The following BRWD1 variants were observed in gnomAD, a reference collection of about 807,000 sequenced individuals.
BRWD1 encodes bromodomain and WD repeat-containing protein 1.
In BRWD1, 82 loss-of-function variants were observed where a neutral mutation model predicts 251.2. The observed-to-expected ratio is 0.33, with a 90% CI of 0.27 to 0.39. BRWD1 has a LOEUF of 0.39. Among genes scored for constraint, BRWD1 ranks in the 10% least tolerant of loss-of-function variants. BRWD1 has a pLI of 1.00. For missense variants in BRWD1, 2,233 were observed against 2,711.6 expected (o/e 0.82, Z 3.92); for synonymous variants, 918 against 902.8 (o/e 1.02, Z -0.30).
At chr21:39,228,682 T>C in intron 26 of BRWD1, 100 bp from the exon 27 acceptor site, 2 of 602,172 alleles carry the variant, frequency 3.3e-6, no homozygotes, top group Non-Finnish European at 5.9e-6. Flanking sequence ...ACGAATGTAA[T>C]TTTTAATTTT....
rs1423628026 is a variant in BRWD1, at chr21:39,187,319, T to C, written c.*8940A>G. 1.8e-5 allele frequency: 29 copies of C among 1,613,932 alleles called. No individual in the cohort carries two copies. The highest frequency in any genetic ancestry group is 2.7e-5 in the African/African-American group (2 of 74,922). ...CGGGGAACTTTCTCAGGTACCATTT[T>C]TGCTTTCAGAGTTTCACTAGGCATC... is the stretch of plus-strand genomic sequence containing the variant. On this transcript the variant is annotated 3_prime_UTR_variant, in exon 41 of 41. Transcript: ENST00000342449.
chr21:39,258,595 G>A lies in BRWD1; in HGVS notation c.1963C>T (p.Leu655Phe), dbSNP rs750882690. 3.3e-5 allele frequency: 53 copies of A among 1,613,056 alleles called. No homozygotes were observed. Among genetic ancestry groups the A allele is most frequent in the Admixed American group, 1.3e-4 (8 of 59,930 alleles). ...TGCAACTGTCTTATCATTCCATCAA[G>A]AATACTCGATTCTGGGCTGCGTTCA... ...NDERSPESSI[L>F]DGMIRQLQQQ... Residue 655 changes from leucine (L) to phenylalanine (F), a missense_variant, in exon 18 of 41, where the codon CTT becomes TTT. Physicochemically the swap from Leu to Phe is conservative, Grantham distance 22 (BLOSUM62 0). Transcript: ENST00000342449.
At position 39,187,280 on chromosome 21, in the gene BRWD1, C is replaced by T. The variant is rs760992697; in HGVS notation, c.*8979G>A. The T allele has an allele frequency of 6.2e-7, 1 of 1,614,008 alleles. No homozygotes were observed. Among genetic ancestry groups the T allele is most frequent in the Non-Finnish European group, 8.5e-7 (1 of 1,179,938 alleles). ...ATTATCTTTATTTTATTTGCAGCAA[C>T]AGTAGCACATCTGCGGGGAACTTTC... On this transcript the variant is annotated 3_prime_UTR_variant, in exon 41 of 41. Coordinates refer to ENST00000342449, the MANE Select transcript of BRWD1 (RefSeq NM_033656.4).
chr21:39,215,199 T>G (rs758256933), intron 32 of BRWD1, 38 bp downstream of exon 32: 1 of 1,597,600 alleles, frequency 6.3e-7, no homozygotes, highest in African/African-American at 1.3e-5. Flanking sequence ...TAGCACAATA[T>G]GCAGTCACTT....
Position 39,186,896 on chromosome 21 carries a change from T to C in BRWD1, c.*9363A>G. ...AGCTGACTGGGAGGAACCCACTGGA[T>C]TATGGCTTTTAGAAAATTCCTCCAA... On this transcript the variant is annotated 3_prime_UTR_variant, in exon 41 of 41. Transcript: ENST00000342449. The C allele has an allele frequency of 6.9e-7, 1 of 1,448,552 alleles. No individual in the cohort carries two copies. The highest frequency in any genetic ancestry group is 2.8e-5 in the Admixed American group (1 of 36,276). 89.7% of individuals were successfully genotyped at this position (1,448,552 alleles called of 1,614,324 possible). A position where few individuals can be genotyped will look rare whatever the true frequency, so the allele number is the denominator to read the frequency against.
chr21:39,267,554 A>G (rs1387359578), intron 15 of BRWD1, among the ~76,000 whole-genome samples: 2 of 152,114 alleles, frequency 1.3e-5, no homozygotes, highest in Non-Finnish European at 2.9e-5. Flanking sequence ...AGCCGAGACC[A>G]CACCACTGCA....
Position 39,247,787 on chromosome 21 carries a change from T to G in BRWD1, c.2395A>C (p.Arg799=). ...CTACCATAATTTGGATATTTACGCC[T>G]ACATGTCCTTTGTCTAGACTGTGAT... ...LVSQSRQRTC[R]RKYPNYGRRN... Residue 799 remains arginine (R), a synonymous_variant, in exon 21 of 41, where the codon AGG becomes CGG. Coordinates refer to ENST00000342449, the MANE Select transcript of BRWD1 (RefSeq NM_033656.4). 1 of 1,613,400 alleles carries G rather than the reference T, an allele frequency of 6.2e-7. No individual in the cohort carries two copies. The highest frequency in any genetic ancestry group is 8.5e-7 in the Non-Finnish European group (1 of 1,179,716).
chr21:39,189,640 A>G lies in BRWD1; in HGVS notation c.*6619T>C. Reference sequence around the variant, plus strand: ...GACAATAAAACAGGAATTTCAGAGAATAAGGATAAAAACAATCTGAGGAAG... The same window carrying G: ...GACAATAAAACAGGAATTTCAGAGAGTAAGGATAAAAACAATCTGAGGAAG... On this transcript the variant is annotated 3_prime_UTR_variant, in exon 41 of 41. Transcript: ENST00000342449. 1 of 981,284 alleles carries G rather than the reference A, an allele frequency of 1.0e-6. No individual in the cohort carries two copies. The highest frequency in any genetic ancestry group is 1.2e-6 in the Non-Finnish European group (1 of 826,158). The allele number at this position is 981,284 out of a possible 1,614,324, so 60.8% of individuals were successfully genotyped here.
chr21:39,264,372 G>C (rs1229264522), intron 17 of BRWD1, 88 bp downstream of exon 17: 4 of 776,436 alleles, frequency 5.2e-6, no homozygotes, highest in Admixed American at 3.6e-5. Flanking sequence ...AATAATTGGG[G>C]ATCTAAAGGT....
intron 29 of BRWD1, among the ~76,000 whole-genome samples, chr21:39,222,179 C>T (rs1295276782): frequency 6.6e-6 from 1 of 152,112 alleles, no homozygotes; most frequent in Non-Finnish European, 1.5e-5. Flanking sequence ...TACCACGTAA[C>T]CCAGCAATGC....
At chr21:39,314,591 G>A (rs186970062), upstream of BRWD1, 2,788 of 347,734 alleles carry the variant, frequency 8.0e-3, 14 homozygotes, top group Middle Eastern at 0.015. Context: ...GTCTTGCCAG[G>A]CTTCTGACCT....
chr21:39,301,316 A>G (rs1355903703), intron 4 of BRWD1, among the ~76,000 whole-genome samples: 1 of 152,202 alleles, frequency 6.6e-6, no homozygotes, highest in Non-Finnish European at 1.5e-5. Context: ...AGTAACATTG[A>G]GAGGATACTA....
chr21:39,199,147 C>G lies in BRWD1; in HGVS notation c.5269G>C (p.Glu1757Gln), dbSNP rs373655410. Reference sequence around the variant, plus strand: ...GAATCATGACTTTTAGAGTCTTCCTCAGAAGACTCTATTTTAAGAAATTTT... The same window carrying G: ...GAATCATGACTTTTAGAGTCTTCCTGAGAAGACTCTATTTTAAGAAATTTT... ...KTKFLKIESS[E>Q]EDSKSHDSDH... Residue 1757 changes from glutamate (E) to glutamine (Q), a missense_variant, in exon 40 of 41, where the codon GAG (glutamate) becomes CAG (glutamine). Physicochemically the swap from Glu to Gln is conservative, Grantham distance 29. Transcript: ENST00000342449. 204 of 1,614,070 alleles carry G rather than the reference C, an allele frequency of 1.3e-4. No individual in the cohort carries two copies. The highest frequency in any genetic ancestry group is 2.9e-4 in the South Asian group (26 of 91,072).
Position 39,212,726 on chromosome 21 carries a change from C to T in BRWD1, c.3859-19G>A, listed in dbSNP as rs374747722. 3.9e-6 allele frequency: 6 copies of T among 1,527,596 alleles called. No individual in the cohort carries two copies. The African/African-American group carries it at 6.9e-5, about 18-fold the overall frequency. The allele number at this position is 1,527,596 out of a possible 1,614,324, so 94.6% of individuals were successfully genotyped here. ...TATCATCCTAGGAATAAAATCAGAG[C>T]ACCTTAAGTATTTAGAGTCTCATTA... On this transcript the variant is annotated intron_variant, in intron 33 of 40. Transcript: ENST00000342449.
Position 39,194,735 on chromosome 21 carries a change from A to G in BRWD1, c.*1524T>C. 1 of 1,535,374 alleles carries G rather than the reference A, an allele frequency of 6.5e-7. No homozygotes were observed. The highest frequency in any genetic ancestry group is 8.7e-7 in the Non-Finnish European group (1 of 1,146,090). On this transcript the variant is annotated 3_prime_UTR_variant, in exon 41 of 41. Coordinates refer to ENST00000342449, the MANE Select transcript of BRWD1 (RefSeq NM_033656.4). ...CTTGTCTGCCACTTCAAAGATACACAGGAGAAAAGGTTTTGTCTGAAACCA... is the reference window on the plus strand; with the variant it reads ...CTTGTCTGCCACTTCAAAGATACACGGGAGAAAAGGTTTTGTCTGAAACCA...
chr21:39,298,464 G>A lies in BRWD1; in HGVS notation c.317C>T (p.Ala106Val), dbSNP rs1425312889. 3 of 1,606,226 alleles carry A rather than the reference G, an allele frequency of 1.9e-6. No homozygotes were observed. In the South Asian group the frequency reaches 3.3e-5, roughly 18 times the overall value. The change falls in exon 5 of 41, where the codon GCA (alanine) becomes GTA (valine). Residue 106 changes from alanine to valine, a missense_variant. Physicochemically the swap from Ala to Val is moderately conservative, Grantham distance 64. This residue lies in a region of BRWD1 where 185 missense variants were observed against 260.6 expected (regional missense o/e 0.71). Transcript: ENST00000342449. ...SISRVTSLLG[A>V]GRQSLLRTAK... ...TGTACGTAGCAAAGACTGCCTTCCT[G>A]CACCAAGTAAAGAAGTGACTCTTGA...
At chr21:39,256,799 T>G (rs7276774) in intron 18 of BRWD1, among the ~76,000 whole-genome samples, 91,923 of 152,086 alleles carry the variant, frequency 0.6, 28,000 homozygotes, top group Admixed American at 0.66. Flanking sequence ...TATGGAGCTG[T>G]ACTCCAGCTG....
rs1376839879 is a variant in BRWD1 at position 39,194,347 on chromosome 21, G to A, written c.*1912C>T. On this transcript the variant is annotated 3_prime_UTR_variant, in exon 41 of 41. Transcript: ENST00000342449. ...ATTATAAAAGAGAAGGTTAAGAAGA[G>A]TTTAAATAAATTAATGGATTTGACA... 1 of 1,054,378 alleles carries A rather than the reference G, an allele frequency of 9.5e-7. No individual in the cohort carries two copies. Among genetic ancestry groups the A allele is most frequent in the Non-Finnish European group, 1.1e-6 (1 of 873,600 alleles). The allele number at this position is 1,054,378 out of a possible 1,614,324, so 65.3% of individuals were successfully genotyped here. A position where few individuals can be genotyped will look rare whatever the true frequency, so the allele number is the denominator to read the frequency against.
intron 36 of BRWD1, among the ~76,000 whole-genome samples, chr21:39,207,485 A>ACACACACACACAC (rs1350272514): frequency 0.072 from 8,625 of 119,604 alleles, 360 homozygotes; most frequent in Non-Finnish European, 0.081. Context: ...CACACACACA[A>ACACACACACACAC]ACAAAACTCC....
Sources: allele counts gnomAD v4.1 joint callset (sites outside exome capture counted in the v4.1 genomes callset), GRCh38; gene constraint gnomAD v4.1.1; regional missense constraint gnomAD v4.1.1; transcripts MANE v1.5; gene names NCBI Gene and HGNC (gene_info 2026-07-23, HGNC 2026-07-21).